The following DNAJC15 variants were observed in gnomAD, a reference collection of about 807,000 sequenced individuals.
The protein encoded by DNAJC15 is dnaJ homolog subfamily C member 15.
Under a neutral mutation model 22.4 loss-of-function variants are expected in DNAJC15, and 27 were observed. The observed-to-expected ratio is 1.20, with a 90% CI of 0.89 to 1.66. The LOEUF (loss-of-function observed/expected upper bound fraction) is 1.66. Among genes scored for constraint, DNAJC15 ranks in the 40% most tolerant of loss-of-function variants. The probability of loss-of-function intolerance (pLI) is 0.00; values close to 1 mark genes in which losing one functional copy is unlikely to be tolerated. For missense variants in DNAJC15, 208 were observed against 187.1 expected (o/e 1.11, Z -0.65); for synonymous variants, 79 against 63.2 (o/e 1.25, Z -1.19).
chr13:43,078,821 A>G, intron 4 of DNAJC15, 133 bp downstream of exon 4: 2 of 675,776 alleles, frequency 3.0e-6, no homozygotes, highest in Non-Finnish European at 4.5e-6. Context: ...TCAAATTTTT[A>G]TATTTTAAAG....
At chr13:43,100,620 T>C (rs748918278) in intron 5 of DNAJC15, among the ~76,000 whole-genome samples, 1 of 152,220 alleles carries the variant, frequency 6.6e-6, no homozygotes, top group Non-Finnish European at 1.5e-5. Flanking sequence ...CATTCTATTA[T>C]TGTCGGAGAA....
intron 1 of DNAJC15, among the ~76,000 whole-genome samples, chr13:43,050,422 C>T (rs1299825634): frequency 6.6e-6 from 1 of 151,990 alleles, no homozygotes; most frequent in African/African-American, 2.4e-5. Flanking sequence ...CCTTCCACTT[C>T]AGGCTCCCAA....
intron 4 of DNAJC15, among the ~76,000 whole-genome samples, chr13:43,081,437 C>T (rs528520415): frequency 1.2e-3 from 176 of 146,718 alleles, no homozygotes; most frequent in Non-Finnish European, 2.1e-3. Context: ...AAATGATGCA[C>T]ATTTATGATT....
At chr13:43,089,813 T>C (rs1421553184) in intron 5 of DNAJC15, among the ~76,000 whole-genome samples, 1 of 152,210 alleles carries the variant, frequency 6.6e-6, no homozygotes, top group African/African-American at 2.4e-5. Context: ...TCTCTATTTT[T>C]GATTTTTAAG....
At chr13:43,094,724 T>C (rs1017282419) in intron 5 of DNAJC15, among the ~76,000 whole-genome samples, 2 of 152,200 alleles carry the variant, frequency 1.3e-5, no homozygotes, top group African/African-American at 4.8e-5. Flanking sequence ...CTTGCCTTTT[T>C]CAGTTGAGTT....
In DNAJC15 at chr13:43,110,422, CAG is replaced by C. The variant is rs2040819131; in HGVS notation, c.*3175_*3176del. 1 of 152,196 alleles carries C rather than the reference CAG, an allele frequency of 6.6e-6. No homozygotes were observed. Among genetic ancestry groups the C allele is most frequent in the African/African-American group, 2.4e-5 (1 of 41,446 alleles). The allele number at this position is 152,196 out of a possible 1,614,324, so 9.4% of individuals were successfully genotyped here. A position where few individuals can be genotyped will look rare whatever the true frequency, so the allele number is the denominator to read the frequency against. On this transcript the variant is annotated 3_prime_UTR_variant, in exon 6 of 6. Coordinates refer to ENST00000379221, the MANE Select transcript of DNAJC15 (RefSeq NM_013238.3). Reference sequence around the variant, plus strand: ...AGAGGATAGAGAGGACTGAAGGAATCAGTGCTCATCTTTAATATGCAGCAGGA... The same window carrying C: ...AGAGGATAGAGAGGACTGAAGGAATCTGCTCATCTTTAATATGCAGCAGGA...
chr13:43,058,140 A>G (rs921118579), intron 1 of DNAJC15, among the ~76,000 whole-genome samples: 5 of 152,122 alleles, frequency 3.3e-5, no homozygotes, highest in African/African-American at 4.8e-5. Flanking sequence ...GGCAGTGGAA[A>G]TAGCTGTTTT....
At chr13:43,060,543 T>C (rs917228215) in intron 1 of DNAJC15, among the ~76,000 whole-genome samples, 4 of 152,190 alleles carry the variant, frequency 2.6e-5, no homozygotes, top group Admixed American at 6.5e-5. Context: ...TTTTATGTTG[T>C]CATATACCAG....
intron 1 of DNAJC15, among the ~76,000 whole-genome samples, chr13:43,027,443 TA>T (rs1227544572): frequency 2.0e-5 from 3 of 151,946 alleles, no homozygotes; most frequent in Non-Finnish European, 4.4e-5. Context: ...GTGTAACATG[TA>T]AAAAAAACTA....
chr13:43,066,260 CTTTT>C (rs201382382), intron 2 of DNAJC15, among the ~76,000 whole-genome samples: 1 of 145,408 alleles, frequency 6.9e-6, no homozygotes, highest in Non-Finnish European at 1.5e-5. Flanking sequence ...TTTTTTTTTT[CTTTT>C]TTTTGGAATG....
At chr13:43,027,408 C>A (rs1304305402) in intron 1 of DNAJC15, among the ~76,000 whole-genome samples, 1 of 152,080 alleles carries the variant, frequency 6.6e-6, no homozygotes, top group African/African-American at 2.4e-5. Flanking sequence ...CTCCCACCCC[C>A]ACAACTCTTG....
At chr13:43,100,172 A>G (rs1593332286) in intron 5 of DNAJC15, among the ~76,000 whole-genome samples, 1 of 121,862 alleles carries the variant, frequency 8.2e-6, no homozygotes, top group South Asian at 2.7e-4. Flanking sequence ...TTCTTTTTCC[A>G]TTGTCTTAGG....
intron 4 of DNAJC15, among the ~76,000 whole-genome samples, chr13:43,083,687 A>G (rs1012345738): frequency 6.6e-6 from 1 of 151,936 alleles, no homozygotes; most frequent in African/African-American, 2.4e-5. Context: ...TTTCAGTGTA[A>G]TTTTTTTTGT....
chr13:43,030,108 C>G (rs534291457), intron 1 of DNAJC15, among the ~76,000 whole-genome samples: 1 of 152,274 alleles, frequency 6.6e-6, no homozygotes, highest in South Asian at 2.1e-4. Flanking sequence ...GTATAATACT[C>G]TGACTTCTGA....
At chr13:43,041,096 C>T (rs914481534) in intron 1 of DNAJC15, among the ~76,000 whole-genome samples, 17 of 152,060 alleles carry the variant, frequency 1.1e-4, no homozygotes, top group Admixed American at 9.2e-4. Context: ...TTACAGGTGT[C>T]GGGCTGGGGG....
At chr13:43,025,656 G>A (rs1346356775) in intron 1 of DNAJC15, among the ~76,000 whole-genome samples, 1 of 152,226 alleles carries the variant, frequency 6.6e-6, no homozygotes, top group African/African-American at 2.4e-5. Context: ...TATAATCCCA[G>A]CAATTTGGGA....
At chr13:43,106,951 T>A (rs1191945933) in intron 5 of DNAJC15, among the ~76,000 whole-genome samples, 1 of 152,042 alleles carries the variant, frequency 6.6e-6, no homozygotes, top group African/African-American at 2.4e-5. Context: ...ATTATAACTT[T>A]CTTTCATCAT....
intron 1 of DNAJC15, among the ~76,000 whole-genome samples, chr13:43,046,458 G>A (rs1259213154): frequency 1.3e-5 from 2 of 151,990 alleles, no homozygotes; most frequent in Non-Finnish European, 2.9e-5. Flanking sequence ...CCTAACTGGG[G>A]AAGGTGACCG....
At chr13:43,094,154 T>C (rs894392663) in intron 5 of DNAJC15, among the ~76,000 whole-genome samples, 1 of 152,266 alleles carries the variant, frequency 6.6e-6, no homozygotes, top group Admixed American at 6.5e-5. Context: ...TCAAGGTCTA[T>C]TATATTAAAA....
Sources: allele counts gnomAD v4.1 joint callset (sites outside exome capture counted in the v4.1 genomes callset), GRCh38; gene constraint gnomAD v4.1.1; transcripts MANE v1.5; gene names NCBI Gene and HGNC (gene_info 2026-07-23, HGNC 2026-07-21).